RANBP2: variants seen among roughly 807,000 people sequenced by gnomAD.
The protein encoded by RANBP2 is RAN binding protein 2, also known as E3 SUMO-protein ligase RanBP2.
Under a neutral mutation model 303.6 loss-of-function variants are expected in RANBP2, and 57 were observed. The observed-to-expected ratio is 0.19, with a 90% CI of 0.15 to 0.23. The LOEUF is 0.23. Among genes scored for constraint, RANBP2 ranks in the 10% least tolerant of loss-of-function variants. The pLI, the probability that RANBP2 is intolerant of heterozygous loss-of-function variation, is 1.00. For missense variants in RANBP2, 3,138 were observed against 3,780.8 expected (o/e 0.83, Z 4.46); for synonymous variants, 1,167 against 1,301.5 (o/e 0.90, Z 2.23).
chr2:109,129,188 G>C, the RANBP2 span: 1 of 466,744 alleles, frequency 2.1e-6, no homozygotes, highest in Non-Finnish European at 4.0e-6. Context: ...TCCCAGGCGC[G>C]AGCCGCCGCT....
chr2:109,179,154 G>A, the RANBP2 span, among the ~76,000 whole-genome samples: 3 of 152,124 alleles, frequency 2.0e-5, no homozygotes, highest in Non-Finnish European at 4.4e-5. Flanking sequence ...GATGTACAAT[G>A]TCCCTGACCA....
the RANBP2 span, among the ~76,000 whole-genome samples, chr2:109,683,021 T>C: frequency 6.6e-6 from 1 of 152,158 alleles, no homozygotes; most frequent in African/African-American, 2.4e-5. Context: ...TTTCCTTTAT[T>C]TGGAGACGGA....
At chr2:108,741,200 T>A (rs1447844169) in intron 7 of RANBP2, among the ~76,000 whole-genome samples, 8 of 152,156 alleles carry the variant, frequency 5.3e-5, no homozygotes, top group Non-Finnish European at 1.0e-4. Context: ...TCTTAATTTT[T>A]ATTTTTTTAT....
At chr2:109,295,044 C>T in the RANBP2 span, among the ~76,000 whole-genome samples, 1 of 152,358 alleles carries the variant, frequency 6.6e-6, no homozygotes, top group South Asian at 2.1e-4. Context: ...TCTCAGGATC[C>T]CTGCAGGAAA....
At chr2:108,747,797 A>G (rs954504006) in intron 8 of RANBP2, among the ~76,000 whole-genome samples, 4 of 152,210 alleles carry the variant, frequency 2.6e-5, no homozygotes, top group Non-Finnish European at 5.9e-5. Flanking sequence ...AAAAAGTTCA[A>G]TTGAAATATA....
At chr2:109,544,544 G>A in the RANBP2 span, 2 of 980,866 alleles carry the variant, frequency 2.0e-6, no homozygotes, top group Non-Finnish European at 2.4e-6. Flanking sequence ...CAACAGCAGG[G>A]TTCTCAAGTG....
chr2:109,176,989 C>T, the RANBP2 span, among the ~76,000 whole-genome samples: 278 of 152,240 alleles, frequency 1.8e-3, no homozygotes, highest in African/African-American at 5.8e-3. Flanking sequence ...CTCAAGAGAG[C>T]CCTGCACTGG....
rs869269194 is a variant in RANBP2 at position 108,780,359 on chromosome 2, ATTTTTTTTT to A, written c.8600-896_8600-888del. 9.0e-5 allele frequency among the ~76,000 whole-genome samples: 10 copies of A among 111,728 alleles called. No individual in the cohort carries two copies. In the East Asian group the frequency reaches 2.2e-3, roughly 25 times the overall value. 73.3% of individuals were successfully genotyped at this position (111,728 alleles called of 152,430 possible). ...AGGCACCCGCCACCACGCCCGGCTA[ATTTTTTTTT>A]TTTTTTTTTTTTTAAAGACAGAGTC... On this transcript the variant is annotated intron_variant, in intron 25 of 28. Transcript: ENST00000283195.
the RANBP2 span, among the ~76,000 whole-genome samples, chr2:109,601,399 A>G: frequency 6.6e-6 from 1 of 152,366 alleles, no homozygotes; most frequent in Non-Finnish European, 1.5e-5. Flanking sequence ...GGTCCATTTC[A>G]TTATATATTC....
the RANBP2 span, among the ~76,000 whole-genome samples, chr2:109,331,488 G>A: frequency 6.6e-6 from 1 of 151,984 alleles, no homozygotes. Flanking sequence ...GGGCTCCCGC[G>A]TCTACTCCTT....
At chr2:109,140,508 G>A in the RANBP2 span, among the ~76,000 whole-genome samples, 1 of 151,802 alleles carries the variant, frequency 6.6e-6, no homozygotes, top group East Asian at 1.9e-4. Flanking sequence ...AGCCTCCCGA[G>A]TAGCTGGGAC....
At chr2:109,547,369 G>GTTTTT in the RANBP2 span, among the ~76,000 whole-genome samples, 3 of 117,852 alleles carry the variant, frequency 2.5e-5, no homozygotes, top group South Asian at 2.8e-4. Flanking sequence ...TAATAAACTT[G>GTTTTT]TTTTTTTTTT....
chr2:109,248,395 C>T, the RANBP2 span, among the ~76,000 whole-genome samples: 2 of 152,074 alleles, frequency 1.3e-5, no homozygotes, highest in Non-Finnish European at 2.9e-5. Flanking sequence ...TATGTGTTAT[C>T]GCTCTCATTT....
At chr2:109,169,019 A>G in the RANBP2 span, among the ~76,000 whole-genome samples, 3 of 152,206 alleles carry the variant, frequency 2.0e-5, no homozygotes, top group African/African-American at 7.2e-5. Context: ...TTTGCCTAAC[A>G]GGACTCTCCC....
chr2:109,506,223 A>G, the RANBP2 span, among the ~76,000 whole-genome samples: 1 of 152,106 alleles, frequency 6.6e-6, no homozygotes, highest in Non-Finnish European at 1.5e-5. Context: ...GGGTTTTGTG[A>G]TGGGAGTTGG....
the RANBP2 span, among the ~76,000 whole-genome samples, chr2:108,822,203 C>A: frequency 6.6e-6 from 1 of 152,012 alleles, no homozygotes; most frequent in Non-Finnish European, 1.5e-5. Context: ...AAAACTGTTA[C>A]AAGAGACAAA....
the RANBP2 span, among the ~76,000 whole-genome samples, chr2:108,866,868 G>C: frequency 1.3e-5 from 2 of 150,944 alleles, no homozygotes; most frequent in African/African-American, 2.4e-5. Context: ...GGGCGACAGA[G>C]TAAGACTGTC....
chr2:108,946,001 A>T, the RANBP2 span, among the ~76,000 whole-genome samples: 2 of 152,158 alleles, frequency 1.3e-5, no homozygotes, highest in African/African-American at 4.8e-5. Context: ...ACTTGATTGC[A>T]TTTTCTGACT....
the RANBP2 span, among the ~76,000 whole-genome samples, chr2:108,871,370 T>TAAAAAAAA: frequency 1.8e-3 from 136 of 76,474 alleles, no homozygotes; most frequent in Middle Eastern, 7.8e-3. Context: ...CCAACTCTAT[T>TAAAAAAAA]AAAAAAAAAA....
Sources: allele counts gnomAD v4.1 joint callset (sites outside exome capture counted in the v4.1 genomes callset), GRCh38; gene constraint gnomAD v4.1.1; transcripts MANE v1.5; gene names NCBI Gene and HGNC (gene_info 2026-07-23, HGNC 2026-07-21).